Variants in NPAS3 observed in about 807,000 individuals in gnomAD.
NPAS3 encodes the protein neuronal PAS domain-containing protein 3.
Under a neutral mutation model 73.1 loss-of-function variants are expected in NPAS3, and 14 were observed. That is an observed-to-expected ratio of 0.19 (90% CI 0.13 to 0.30). The LOEUF is 0.30. Among genes scored for constraint, NPAS3 ranks in the 10% least tolerant of loss-of-function variants. The pLI, the probability that NPAS3 is intolerant of heterozygous loss-of-function variation, is 1.00. For missense variants in NPAS3, 1,096 were observed against 1,250.0 expected (o/e 0.88, Z 1.86); for synonymous variants, 620 against 541.5 (o/e 1.14, Z -2.01).
intron 10 of NPAS3, among the ~76,000 whole-genome samples, chr14:33,794,287 T>C (rs1187874332): frequency 6.6e-6 from 1 of 152,198 alleles, no homozygotes; most frequent in Admixed American, 6.5e-5. Context: ...CTGTCAACAT[T>C]TGGGCATCTC....
chr14:33,584,842 T>C (rs2056805599), intron 5 of NPAS3, among the ~76,000 whole-genome samples: 1 of 152,154 alleles, frequency 6.6e-6, no homozygotes, highest in Admixed American at 6.5e-5. Context: ...CTGAGGACAT[T>C]TATGACTACC....
chr14:33,562,386 C>G (rs139342857), intron 5 of NPAS3, among the ~76,000 whole-genome samples: 50 of 152,228 alleles, frequency 3.3e-4, no homozygotes, highest in African/African-American at 1.1e-3. Context: ...CAGGGGCAGA[C>G]CCTGGCCAAA....
chr14:33,565,952 C>T (rs10131279), intron 5 of NPAS3, among the ~76,000 whole-genome samples: 68,455 of 151,676 alleles, frequency 0.45, 15,734 homozygotes, highest in South Asian at 0.58. Context: ...CCCCCTGCCA[C>T]CCCAACCAGC....
At chr14:33,039,321 G>T (rs551252237) in intron 1 of NPAS3, among the ~76,000 whole-genome samples, 1 of 152,132 alleles carries the variant, frequency 6.6e-6, no homozygotes, top group East Asian at 1.9e-4. Context: ...ACCAATAGAG[G>T]CCTAATTTCC....
chr14:33,539,781 C>T (rs1595113200), intron 4 of NPAS3, among the ~76,000 whole-genome samples: 1 of 152,278 alleles, frequency 6.6e-6, no homozygotes, highest in African/African-American at 2.4e-5. Context: ...TAATTTTATT[C>T]TAACCCTACA....
At chr14:33,097,388 C>T (rs1017697529) in intron 2 of NPAS3, among the ~76,000 whole-genome samples, 2 of 152,186 alleles carry the variant, frequency 1.3e-5, no homozygotes, top group African/African-American at 4.8e-5. Flanking sequence ...GTTGTTTGTT[C>T]AGTCTCATCA....
chr14:33,620,972 A>G (rs2058060924), intron 5 of NPAS3, among the ~76,000 whole-genome samples: 1 of 152,286 alleles, frequency 6.6e-6, no homozygotes, highest in East Asian at 1.9e-4. Context: ...ATGCTTTACC[A>G]TTAGTAAAAA....
At chr14:33,157,031 C>G (rs1300415366) in intron 2 of NPAS3, among the ~76,000 whole-genome samples, 1 of 152,146 alleles carries the variant, frequency 6.6e-6, no homozygotes, top group African/African-American at 2.4e-5. Context: ...CAGACTACAT[C>G]ATTTCCAAAA....
At chr14:33,746,297 T>G (rs2140725766) in intron 7 of NPAS3, among the ~76,000 whole-genome samples, 1 of 152,008 alleles carries the variant, frequency 6.6e-6, no homozygotes. Context: ...CAAGCGATTC[T>G]CCTGCCTCAG....
At chr14:33,686,177 T>G (rs549192489) in intron 6 of NPAS3, among the ~76,000 whole-genome samples, 5 of 151,990 alleles carry the variant, frequency 3.3e-5, no homozygotes, top group African/African-American at 1.2e-4. Flanking sequence ...AGCCAAAAGG[T>G]AGAGGTGATC....
At chr14:33,758,594 A>C (rs2062188320) in intron 7 of NPAS3, among the ~76,000 whole-genome samples, 1 of 152,252 alleles carries the variant, frequency 6.6e-6, no homozygotes, top group Non-Finnish European at 1.5e-5. Context: ...TCCTCTAATG[A>C]AATTTACCTC....
At chr14:33,309,324 G>C (rs947916376) in intron 3 of NPAS3, among the ~76,000 whole-genome samples, 1 of 152,254 alleles carries the variant, frequency 6.6e-6, no homozygotes, top group South Asian at 2.1e-4. Flanking sequence ...TGACTAGGCC[G>C]TCAGCCCCTC....
At position 33,293,823 on chromosome 14, in the gene NPAS3, T is replaced by C. The variant is rs554761918; in HGVS notation, c.386-73363T>C. Reference sequence around the variant, plus strand: ...TCCAGCAATAGTGAAGAGTTTAGAATTAATTAGCCAGAGTATTAAGGTAAT... The same window carrying C: ...TCCAGCAATAGTGAAGAGTTTAGAACTAATTAGCCAGAGTATTAAGGTAAT... On this transcript the variant is annotated intron_variant, in intron 3 of 11. Transcript: ENST00000356141. 3.3e-5 allele frequency among the ~76,000 whole-genome samples: 5 copies of C among 152,326 alleles called. No individual in the cohort carries two copies. In the South Asian group the frequency reaches 6.2e-4, roughly 19 times the overall value.
At chr14:33,336,083 T>A (rs72678897) in intron 3 of NPAS3, among the ~76,000 whole-genome samples, 15,747 of 152,240 alleles carry the variant, frequency 0.1, 913 homozygotes, top group Non-Finnish European at 0.14. Flanking sequence ...GGGTTCCAGG[T>A]TTTTTGTCTT....
chr14:33,361,552 A>G (rs1030942970), intron 3 of NPAS3, among the ~76,000 whole-genome samples: 2 of 152,230 alleles, frequency 1.3e-5, no homozygotes, highest in Non-Finnish European at 2.9e-5. Context: ...AAATTTGCAC[A>G]GTCGCCTCAT....
chr14:33,781,779 A>G (rs1254843009), intron 9 of NPAS3, among the ~76,000 whole-genome samples: 1 of 152,248 alleles, frequency 6.6e-6, no homozygotes, highest in African/African-American at 2.4e-5. Flanking sequence ...AAGACTTAAT[A>G]GTCTTTGATA....
intron 3 of NPAS3, among the ~76,000 whole-genome samples, chr14:33,356,259 G>A (rs530636974): frequency 1.2e-4 from 18 of 152,334 alleles, no homozygotes; most frequent in East Asian, 3.9e-4. Flanking sequence ...GGCGAAGTCC[G>A]TTCTCATCAG....
At chr14:33,341,635 C>T (rs1296074282) in intron 3 of NPAS3, among the ~76,000 whole-genome samples, 2 of 151,834 alleles carry the variant, frequency 1.3e-5, no homozygotes, top group South Asian at 2.1e-4. Context: ...TGGGTGAATG[C>T]GTTTTTGATT....
chr14:33,540,820 G>A (rs758840529), intron 4 of NPAS3, among the ~76,000 whole-genome samples: 45 of 152,252 alleles, frequency 3.0e-4, no homozygotes, highest in Non-Finnish European at 4.4e-4. Flanking sequence ...TGATGAGACT[G>A]TCTATTGGGG....
Sources: gnomAD v4.1 joint callset for allele counts (sites outside exome capture counted in the v4.1 genomes callset) on GRCh38, gnomAD v4.1.1 for gene constraint, MANE v1.5 for transcripts, NCBI Gene and HGNC (gene_info 2026-07-23, HGNC 2026-07-21) for gene names.